Variants in ROCK1 observed in about 807,000 individuals in gnomAD.
ROCK1 encodes the protein Rho associated coiled-coil containing protein kinase 1, also known as rho-associated protein kinase 1.
Under a neutral mutation model 196.8 loss-of-function variants are expected in ROCK1, and 36 were observed. The observed-to-expected ratio is 0.18, with a 90% confidence interval of 0.14 to 0.24. The LOEUF (loss-of-function observed/expected upper bound fraction) is 0.24. Among genes scored for constraint, ROCK1 ranks in the 10% least tolerant of loss-of-function variants. ROCK1 has a pLI of 1.00. For missense variants in ROCK1, 920 were observed against 1,562.0 expected, an observed-to-expected ratio of 0.59 and a Z score of 6.93; for synonymous variants, 443 against 515.9, an observed-to-expected ratio of 0.86 and a Z score of 1.91.
At chr18:21,056,254 C>T (rs1417847592) in intron 2 of ROCK1, among the ~76,000 whole-genome samples, 4 of 152,180 alleles carry the variant, frequency 2.6e-5, no homozygotes, top group South Asian at 4.1e-4. Flanking sequence ...AAACTTCAAA[C>T]TTATCTATTC....
chr18:21,062,542 A>C (rs904687568), intron 2 of ROCK1, among the ~76,000 whole-genome samples: 12 of 152,140 alleles, frequency 7.9e-5, no homozygotes, highest in Non-Finnish European at 1.5e-4. Flanking sequence ...TCAATGACTA[A>C]ATTAATAAAT....
intron 4 of ROCK1, 130 bp downstream of exon 4, chr18:21,048,962 A>T: frequency 1.5e-6 from 1 of 682,278 alleles, no homozygotes; most frequent in Non-Finnish European, 2.1e-6. Context: ...TTTAAGATTT[A>T]AAAGGTAATT....
chr18:21,071,865 G>A (rs925106636), intron 1 of ROCK1, among the ~76,000 whole-genome samples: 2 of 152,158 alleles, frequency 1.3e-5, no homozygotes, highest in African/African-American at 4.8e-5. Context: ...TTTCTTTTTT[G>A]TAAAATGAGG....
At chr18:21,088,738 G>A (rs2036546832) in intron 1 of ROCK1, among the ~76,000 whole-genome samples, 1 of 152,080 alleles carries the variant, frequency 6.6e-6, no homozygotes, top group African/African-American at 2.4e-5. Context: ...ATGATGAACA[G>A]GTTTGATTAG....
intron 1 of ROCK1, among the ~76,000 whole-genome samples, chr18:21,100,014 C>T (rs1405637021): frequency 6.6e-6 from 1 of 151,422 alleles, no homozygotes; most frequent in Non-Finnish European, 1.5e-5. Flanking sequence ...CCAGTCTGGG[C>T]GACAGAGCAA....
chr18:21,109,188 T>C (rs1384042442), intron 1 of ROCK1, among the ~76,000 whole-genome samples: 1 of 152,234 alleles, frequency 6.6e-6, no homozygotes, highest in Non-Finnish European at 1.5e-5. Context: ...TTTAGCTTTG[T>C]TTCTGTGTAT....
At chr18:20,956,778 T>G (rs2035246066) in intron 29 of ROCK1, among the ~76,000 whole-genome samples, 1 of 152,122 alleles carries the variant, frequency 6.6e-6, no homozygotes, top group Admixed American at 6.6e-5. Flanking sequence ...ATTACATATT[T>G]CTAACATAGG....
intron 1 of ROCK1, among the ~76,000 whole-genome samples, chr18:21,072,798 C>T (rs1428905847): frequency 3.3e-5 from 5 of 152,060 alleles, no homozygotes; most frequent in Admixed American, 6.6e-5. Context: ...AGGCCAGGCA[C>T]GGTGGTTCAC....
At chr18:21,069,585 C>A (rs1057335766) in intron 2 of ROCK1, among the ~76,000 whole-genome samples, 3 of 151,926 alleles carry the variant, frequency 2.0e-5, no homozygotes, top group Non-Finnish European at 4.4e-5. Flanking sequence ...TTAAAAAAAA[C>A]CATGCCCCAC....
Position 20,949,343 on chromosome 18 carries a change from G to C in ROCK1, c.*2041C>G, listed in dbSNP as rs1176081602. On this transcript the variant is annotated 3_prime_UTR_variant, in exon 33 of 33. Coordinates refer to ENST00000399799, the MANE Select transcript of ROCK1 (RefSeq NM_005406.3). Reference sequence around the variant, plus strand: ...CCTGACAAAAGAGATGAGACCCCTGGGTCAGAGTCAGATGACTTCATTCAC... The same window carrying C: ...CCTGACAAAAGAGATGAGACCCCTGCGTCAGAGTCAGATGACTTCATTCAC... 6.6e-6 allele frequency: 1 copy of C among 152,132 alleles called. No homozygotes were observed. Among genetic ancestry groups the C allele is most frequent in the African/African-American group, 2.4e-5 (1 of 41,388 alleles). The allele number at this position is 152,132 out of a possible 1,614,324, so 9.4% of individuals were successfully genotyped here. A position where few individuals can be genotyped will look rare whatever the true frequency, so the allele number is the denominator to read the frequency against.
rs373509817 is a variant in ROCK1 at position 20,968,790 on chromosome 18, T to C, written c.2985A>G (p.Glu995=). Residue 995 remains glutamate, a synonymous_variant, in exon 25 of 33, where the codon GAA becomes GAG. Transcript: ENST00000399799. The part of the protein sequence containing the change: ...KAAFEKNINT[E]RTLKTQAVNK... ...TGTATACCTGTGTTTTAAGGGTTCGTTCAGTGTTGATATTCTTTTCAAAGG... is the reference window on the plus strand; with the variant it reads ...TGTATACCTGTGTTTTAAGGGTTCGCTCAGTGTTGATATTCTTTTCAAAGG... 67 of 1,602,636 alleles carry C rather than the reference T, an allele frequency of 4.2e-5. 1 individual carries two copies. The highest frequency in any genetic ancestry group is 3.3e-5 in the Admixed American group (2 of 59,962).
intron 8 of ROCK1, among the ~76,000 whole-genome samples, chr18:21,041,318 C>T (rs888577820): frequency 6.9e-6 from 1 of 144,920 alleles, no homozygotes; most frequent in Non-Finnish European, 1.5e-5. Flanking sequence ...AACCATACTT[C>T]AAGCTCTAAA....
At chr18:21,018,108 C>G (rs941039964) in intron 12 of ROCK1, among the ~76,000 whole-genome samples, 6 of 152,194 alleles carry the variant, frequency 3.9e-5, no homozygotes, top group Non-Finnish European at 5.9e-5. Context: ...AGTTTCATCT[C>G]AATTTTATTT....
At chr18:21,068,389 C>T (rs879310363) in intron 2 of ROCK1, among the ~76,000 whole-genome samples, 13 of 152,204 alleles carry the variant, frequency 8.5e-5, no homozygotes, top group Non-Finnish European at 1.9e-4. Context: ...CAAGACTATA[C>T]TGTCTTGATA....
intron 10 of ROCK1, 54 bp from the exon 11 acceptor site, chr18:21,023,734 C>G (rs745535492): frequency 1.2e-4 from 114 of 930,454 alleles, no homozygotes; most frequent in Non-Finnish European, 1.7e-4. Flanking sequence ...CTGTAATATC[C>G]CATGACAACC....
At chr18:20,998,715 C>T (rs1262183544) in intron 16 of ROCK1, among the ~76,000 whole-genome samples, 1 of 150,900 alleles carries the variant, frequency 6.6e-6, no homozygotes, top group Non-Finnish European at 1.5e-5. Flanking sequence ...AGTGATTCTC[C>T]TGCCTCAGCC....
chr18:20,964,445 A>T (rs548955934), intron 27 of ROCK1, among the ~76,000 whole-genome samples: 15 of 152,276 alleles, frequency 9.9e-5, no homozygotes, highest in Non-Finnish European at 1.5e-4. Context: ...TTTAATACAG[A>T]TTTTCAATTT....
chr18:21,028,916 G>A lies in ROCK1; in HGVS notation c.1071C>T (p.Pro357=), dbSNP rs763496375. ...TAGTATCAATGTCACTACTTAAATC[G>A]GGTACAACTGGTGCTACAGCTAAAG... The part of the protein sequence containing the change: ...TLRDTVAPVV[P]DLSSDIDTSN... Residue 357 remains proline (P), a synonymous_variant, in exon 10 of 33, where the codon CCC becomes CCT. Transcript: ENST00000399799. 47 of 1,608,534 alleles carry A rather than the reference G, an allele frequency of 2.9e-5. No homozygotes were observed. In the South Asian group the frequency reaches 3.5e-4, roughly 12 times the overall value.
At chr18:21,032,236 G>A (rs1460135711) in intron 9 of ROCK1, among the ~76,000 whole-genome samples, 1 of 152,100 alleles carries the variant, frequency 6.6e-6, no homozygotes, top group Non-Finnish European at 1.5e-5. Flanking sequence ...TATCAGTAAA[G>A]GTAACTATTT....
Sources: allele counts gnomAD v4.1 joint callset (sites outside exome capture counted in the v4.1 genomes callset), GRCh38; gene constraint gnomAD v4.1.1; transcripts MANE v1.5; gene names NCBI Gene and HGNC (gene_info 2026-07-23, HGNC 2026-07-21).